Variants in TJP2 observed in about 807,000 individuals in gnomAD.
TJP2 encodes tight junction protein 2, also known as Friedreich ataxia region gene X104 (tight junction protein ZO-2).
Under a neutral mutation model 133.1 loss-of-function variants are expected in TJP2, and 91 were observed. The ratio of observed to expected loss-of-function variants is 0.68; its 90% confidence interval spans 0.58 to 0.81. The LOEUF (loss-of-function observed/expected upper bound fraction) is 0.81. Ranked by LOEUF, TJP2 falls within the 40% of genes least tolerant of loss-of-function variation. TJP2 has a pLI of 0.00. For missense variants in TJP2, 1,541 were observed against 1,565.6 expected, an observed-to-expected ratio of 0.98 and a Z score of 0.26; for synonymous variants, 592 against 583.4, an observed-to-expected ratio of 1.01 and a Z score of -0.21.
At chr9:69,175,068 T>A (rs983501527) in intron 1 of TJP2, among the ~76,000 whole-genome samples, 4 of 152,202 alleles carry the variant, frequency 2.6e-5, no homozygotes, top group Admixed American at 1.3e-4. Flanking sequence ...TACACGGTAG[T>A]TTAAGTTATA....
intron 1 of TJP2, among the ~76,000 whole-genome samples, chr9:69,194,329 A>G (rs1333463657): frequency 1.3e-5 from 2 of 152,198 alleles, no homozygotes; most frequent in Admixed American, 6.5e-5. Context: ...GCTGAAAGTT[A>G]TAGGTCATTA....
At chr9:69,139,218 A>T (rs940825793) in intron 1 of TJP2, among the ~76,000 whole-genome samples, 5 of 152,238 alleles carry the variant, frequency 3.3e-5, no homozygotes, top group African/African-American at 1.2e-4. Context: ...CTTCATCTCA[A>T]AAAAACCAAC....
rs1822960399 is a variant in TJP2, at chr9:69,140,225, A to G, written c.-130-11426A>G. On this transcript the variant is annotated intron_variant, in intron 1 of 5. Transcript: ENST00000423935. ...ACAACTAGTCAGCAAAGAAATTAAAATACACTTACACGGTGTATATTATGT... is the reference window on the plus strand; with the variant it reads ...ACAACTAGTCAGCAAAGAAATTAAAGTACACTTACACGGTGTATATTATGT... Among the ~76,000 whole-genome samples the G allele has an allele frequency of 2.6e-5, 4 of 152,368 alleles. No homozygotes were observed. In the South Asian group the frequency reaches 8.3e-4, roughly 32 times the overall value.
intron 2 of TJP2, among the ~76,000 whole-genome samples, chr9:69,215,690 G>GT (rs11427491): frequency 0.47 from 69,853 of 147,490 alleles, 17,039 homozygotes; most frequent in East Asian, 0.62. Context: ...TAGGCAGAAG[G>GT]TTTTTTTTTT....
chr9:69,223,134 T>C (rs1214688245), intron 5 of TJP2, among the ~76,000 whole-genome samples: 1 of 147,066 alleles, frequency 6.8e-6, no homozygotes, highest in African/African-American at 2.5e-5. Context: ...GTTAATAAGC[T>C]CTCCTAGTGG....
chr9:69,212,139 T>C (rs1300480065), intron 1 of TJP2, among the ~76,000 whole-genome samples: 1 of 152,216 alleles, frequency 6.6e-6, no homozygotes, highest in Non-Finnish European at 1.5e-5. Flanking sequence ...AGGATATTTT[T>C]AGACATAAAC....
At chr9:69,196,236 TTCTAGTCACA>T (rs1428300403) in intron 1 of TJP2, among the ~76,000 whole-genome samples, 1 of 152,174 alleles carries the variant, frequency 6.6e-6, no homozygotes, top group Non-Finnish European at 1.5e-5. Flanking sequence ...GATATAAGCT[TTCTAGTCACA>T]CCAGCCTGAG....
At chr9:69,180,779 T>C (rs568753262) in intron 1 of TJP2, among the ~76,000 whole-genome samples, 1 of 152,264 alleles carries the variant, frequency 6.6e-6, no homozygotes, top group Non-Finnish European at 1.5e-5. Context: ...AGCTCAGTTT[T>C]AGCAGCCTGG....
intron 1 of TJP2, 50 bp downstream of exon 1, chr9:69,174,482 G>T (rs760119569): frequency 6.5e-7 from 1 of 1,531,976 alleles, no homozygotes; most frequent in South Asian, 1.2e-5. Flanking sequence ...GTGAGCGTGA[G>T]CGTGGGAGCG....
intron 2 of TJP2, among the ~76,000 whole-genome samples, chr9:69,161,563 A>G (rs1248533210): frequency 6.6e-6 from 1 of 152,030 alleles, no homozygotes; most frequent in African/African-American, 2.4e-5. Flanking sequence ...GGCAGAGTAT[A>G]TGTGGGGCCA....
Position 69,230,133 on chromosome 9 carries a change from G to C in TJP2, c.1572G>C (p.Arg524=), listed in dbSNP as rs1384328673. 6.2e-7 allele frequency: 1 copy of C among 1,614,188 alleles called. No homozygotes were observed. Among genetic ancestry groups the C allele is most frequent in the Admixed American group, 1.7e-5 (1 of 60,026 alleles). ...AGAAGGGAGACAGCGTGGGCCTCCG[G>C]TTGGCTGGTGGCAATGATGTCGGGA... is the stretch of plus-strand genomic sequence containing the variant. ...RFKKGDSVGL[R]LAGGNDVGIF... is the part of the protein sequence containing the mutation. The change falls in exon 11 of 23, where the codon CGG becomes CGC. Residue 524 remains arginine, a synonymous_variant. Coordinates refer to ENST00000377245, the MANE Select transcript of TJP2 (RefSeq NM_004817.4).
chr9:69,248,186 T>TC lies in TJP2; in HGVS notation c.2844dup (p.Ile949HisfsTer30). 6.2e-7 allele frequency: 1 copy of TC among 1,612,190 alleles called. No individual in the cohort carries two copies. Among genetic ancestry groups the TC allele is most frequent in the Non-Finnish European group, 8.5e-7 (1 of 1,179,066 alleles). Reference sequence around the variant, plus strand: ...GCCAGCCGAGGAGCCGCTGGTGTCGTCCATCACCCGCTCCTCGGAGCCGGT... The same window carrying TC: ...GCCAGCCGAGGAGCCGCTGGTGTCGTCCCATCACCCGCTCCTCGGAGCCGGT... On this transcript the variant is annotated frameshift_variant, in exon 19 of 23. Coordinates refer to ENST00000377245, the MANE Select transcript of TJP2 (RefSeq NM_004817.4). LOFTEE classifies it high-confidence loss of function.
chr9:69,234,661 A>G (rs1830051298), intron 12 of TJP2, 114 bp downstream of exon 12: 1 of 738,310 alleles, frequency 1.4e-6, no homozygotes, highest in Admixed American at 2.5e-5. Flanking sequence ...ATTGAGATGG[A>G]TCTCAACACC....
At chr9:69,210,314 T>G (rs1276998605) in intron 1 of TJP2, among the ~76,000 whole-genome samples, 2 of 61,904 alleles carry the variant, frequency 3.2e-5, no homozygotes, top group Non-Finnish European at 5.8e-5. Context: ...AAAAAAAAAG[T>G]AGCAGCAGTC....
At chr9:69,236,846 C>T in intron 13 of TJP2, 103 bp from the exon 14 acceptor site, 1 of 1,355,808 alleles carries the variant, frequency 7.4e-7, no homozygotes, top group Non-Finnish European at 1.1e-6. Context: ...CAAGCGGAAT[C>T]TTCTCTGAGC....
At position 69,149,570 on chromosome 9, in the gene TJP2, C is replaced by T. The variant is rs556873977; in HGVS notation, c.-130-2081C>T. On this transcript the variant is annotated intron_variant, in intron 1 of 5. Transcript: ENST00000423935. ...ATCGTGTAGGGAGTAGAGTGTTTTG[C>T]ACAGACGCCACAATATCAGTTTGTC... 8.0e-5 allele frequency among the ~76,000 whole-genome samples: 12 copies of T among 150,700 alleles called. No individual in the cohort carries two copies. The East Asian group carries it at 2.2e-3, about 27-fold the overall frequency.
intron 4 of TJP2, among the ~76,000 whole-genome samples, chr9:69,220,571 T>C (rs572460497): frequency 6.6e-5 from 10 of 152,362 alleles, no homozygotes; most frequent in African/African-American, 2.2e-4. Context: ...TCACACTTTC[T>C]GGATTTTTGT....
chr9:69,249,195 G>A (rs950684913), intron 19 of TJP2, 180 bp from the exon 20 acceptor site: 18 of 985,314 alleles, frequency 1.8e-5, no homozygotes, highest in Non-Finnish European at 2.0e-5. Context: ...GATGCAGCCA[G>A]TTTTTAAAAA....
intron 17 of TJP2, among the ~76,000 whole-genome samples, chr9:69,244,184 GAAA>G (rs35047206): frequency 1.7e-5 from 1 of 58,350 alleles, no homozygotes; most frequent in Non-Finnish European, 3.4e-5. Context: ...CCTGTCTCAG[GAAA>G]AAAAAAAAAA....
Sources: allele counts gnomAD v4.1 joint callset (sites outside exome capture counted in the v4.1 genomes callset), GRCh38; gene constraint gnomAD v4.1.1; transcripts MANE v1.5; gene names NCBI Gene and HGNC (gene_info 2026-07-23, HGNC 2026-07-21).